Variants in WDR7 observed in about 807,000 individuals in gnomAD.
The protein encoded by WDR7 is WD repeat-containing protein 7.
WDR7 carries 46 observed loss-of-function variants against 169.4 expected under a neutral mutation model. The observed-to-expected ratio is 0.27, with a 90% confidence interval of 0.21 to 0.35. The LOEUF is 0.35. WDR7 is among the 10% of genes least tolerant of loss of function. WDR7 has a pLI of 1.00. For missense variants in WDR7, 1,534 were observed against 1,859.3 expected (o/e 0.83, Z 3.22); for synonymous variants, 612 against 666.8 (o/e 0.92, Z 1.27).
intron 12 of WDR7, chr18:56,700,001 A>G (rs1315752848): frequency 4.0e-6 from 2 of 494,574 alleles, no homozygotes; most frequent in African/African-American, 2.1e-5. Context: ...CCAAATTCCT[A>G]CTAGAGATTA....
intron 1 of WDR7, among the ~76,000 whole-genome samples, chr18:56,664,541 T>C (rs1411244550): frequency 2.0e-5 from 3 of 152,054 alleles, no homozygotes; most frequent in Non-Finnish European, 2.9e-5. Context: ...TTTTTTTTTT[T>C]TTTTAAGAGA....
chr18:56,704,644 G>A (rs934353634), intron 12 of WDR7, among the ~76,000 whole-genome samples: 1 of 152,122 alleles, frequency 6.6e-6, no homozygotes, highest in East Asian at 1.9e-4. Flanking sequence ...TCTTGTGTAG[G>A]AGGCCAGAAA....
At chr18:56,682,531 T>G (rs549061112) in intron 4 of WDR7, 148 bp from the exon 5 acceptor site, 1 of 801,188 alleles carries the variant, frequency 1.2e-6, no homozygotes, top group African/African-American at 1.7e-5. Context: ...CCATATAATA[T>G]GTACCATTTG....
chr18:56,820,851 C>T lies in WDR7; in HGVS notation c.3304+4707C>T, dbSNP rs150616245. Among the ~76,000 whole-genome samples, 1,241 of 152,150 alleles carry T rather than the reference C, an allele frequency of 8.2e-3. 20 individuals are homozygous for T. The highest frequency in any genetic ancestry group is 0.026 in the African/African-American group (1,089 of 41,502). The stretch of plus-strand genomic sequence containing the variant: ...GAGACTAGCTTATGTTCTCCTTTTA[C>T]AATCAAATAAATTAATATCATTCTT... On this transcript the variant is annotated intron_variant, in intron 20 of 27. Transcript: ENST00000254442.
chr18:56,821,586 T>C (rs1028764771), intron 20 of WDR7, among the ~76,000 whole-genome samples: 1 of 152,102 alleles, frequency 6.6e-6, no homozygotes, highest in Non-Finnish European at 1.5e-5. Context: ...TGATTGTTTA[T>C]GATAAGAGGT....
At chr18:56,919,512 GT>G (rs34132332) in intron 21 of WDR7, among the ~76,000 whole-genome samples, 123,057 of 151,852 alleles carry the variant, frequency 0.81, 50,338 homozygotes, top group East Asian at 0.98. Flanking sequence ...GGAGATGCTC[GT>G]TAACTCAGCT....
chr18:56,731,353 G>T, intron 13 of WDR7, 30 bp from the exon 14 acceptor site: 2 of 1,602,308 alleles, frequency 1.2e-6, no homozygotes, highest in Non-Finnish European at 1.7e-6. Context: ...GTAGTGTTAT[G>T]AAATATTTGT....
intron 20 of WDR7, among the ~76,000 whole-genome samples, chr18:56,868,068 A>C (rs1272773335): frequency 6.6e-6 from 1 of 152,168 alleles, no homozygotes; most frequent in Non-Finnish European, 1.5e-5. Flanking sequence ...TTAATTTCCA[A>C]GATACTATGT....
intron 16 of WDR7, among the ~76,000 whole-genome samples, chr18:56,760,214 C>A (rs1449099187): frequency 6.6e-6 from 1 of 152,090 alleles, no homozygotes; most frequent in Non-Finnish European, 1.5e-5. Context: ...AAGCAGAACA[C>A]CCTTGTAACT....
At chr18:57,003,696 T>C (rs183908481) in intron 26 of WDR7, among the ~76,000 whole-genome samples, 2 of 152,242 alleles carry the variant, frequency 1.3e-5, no homozygotes, top group Admixed American at 1.3e-4. Context: ...TTTAAAATAT[T>C]ATGATTGTTG....
intron 14 of WDR7, among the ~76,000 whole-genome samples, chr18:56,750,390 T>G (rs1232917124): frequency 1.3e-5 from 2 of 152,242 alleles, no homozygotes; most frequent in Non-Finnish European, 2.9e-5. Context: ...TGAATCTTAC[T>G]AGCAAATTTG....
chr18:56,717,722 GT>G (rs2026223820), intron 12 of WDR7, among the ~76,000 whole-genome samples: 1 of 152,100 alleles, frequency 6.6e-6, no homozygotes, highest in Admixed American at 6.5e-5. Flanking sequence ...TTGAACAGCA[GT>G]TTTTCCAGTG....
At chr18:56,749,946 A>T (rs1311385430) in intron 14 of WDR7, among the ~76,000 whole-genome samples, 2 of 151,828 alleles carry the variant, frequency 1.3e-5, no homozygotes, top group Non-Finnish European at 2.9e-5. Flanking sequence ...ATTCATCAAC[A>T]TGTTTTCCTC....
chr18:56,893,538 A>G (rs1164882270), intron 21 of WDR7, among the ~76,000 whole-genome samples: 1 of 152,014 alleles, frequency 6.6e-6, no homozygotes. Context: ...ACTTTGTTGA[A>G]TGGTAGGGAG....
intron 25 of WDR7, among the ~76,000 whole-genome samples, chr18:56,959,514 G>A (rs961083316): frequency 8.5e-5 from 13 of 152,132 alleles, no homozygotes; most frequent in Non-Finnish European, 1.6e-4. Context: ...GAGGAGAACT[G>A]TTGTTCAAAC....
At chr18:57,025,600 T>G (rs1428400910) in intron 27 of WDR7, among the ~76,000 whole-genome samples, 1 of 152,220 alleles carries the variant, frequency 6.6e-6, no homozygotes, top group African/African-American at 2.4e-5. Flanking sequence ...CACTAGTGAT[T>G]TTTTTTCACC....
chr18:56,740,280 A>G (rs1429450227), intron 14 of WDR7, among the ~76,000 whole-genome samples: 1 of 152,018 alleles, frequency 6.6e-6, no homozygotes, highest in Non-Finnish European at 1.5e-5. Flanking sequence ...TTATCTGCTG[A>G]AATTCTTTAT....
In WDR7 at chr18:57,014,494, T is replaced by G. The variant is rs1364200897; in HGVS notation, c.4165-6251T>G. 1.3e-5 allele frequency among the ~76,000 whole-genome samples: 2 copies of G among 151,382 alleles called. 1 individual carries two copies. Among genetic ancestry groups the G allele is most frequent in the East Asian group, 3.9e-4 (2 of 5,130 alleles). On this transcript the variant is annotated intron_variant, in intron 26 of 27. Coordinates refer to ENST00000254442, the MANE Select transcript of WDR7 (RefSeq NM_015285.3). ...CAACATGGAGAAACCCTGTCTCTAC[T>G]AAAAATACAAAAAATTCGCCAGGCG...
intron 13 of WDR7, among the ~76,000 whole-genome samples, chr18:56,726,300 C>G (rs2026452997): frequency 6.6e-6 from 1 of 152,118 alleles, no homozygotes; most frequent in South Asian, 2.1e-4. Flanking sequence ...AATGTTCTTC[C>G]ATTTGTTTGT....
Sources: gnomAD v4.1 joint callset for allele counts (sites outside exome capture counted in the v4.1 genomes callset) on GRCh38, gnomAD v4.1.1 for gene constraint, MANE v1.5 for transcripts, NCBI Gene and HGNC (gene_info 2026-07-23, HGNC 2026-07-21) for gene names.